CCND2: variants seen among roughly 807,000 people sequenced by gnomAD.
The protein encoded by CCND2 is cyclin D2.
CCND2 carries 6 observed loss-of-function variants against 30.2 expected under a neutral mutation model. That is an observed-to-expected ratio of 0.20 (90% confidence interval 0.11 to 0.39). The LOEUF is 0.39. Among genes scored for constraint, CCND2 ranks in the 10% least tolerant of loss-of-function variants. The probability of loss-of-function intolerance (pLI) is 1.00; values close to 1 mark genes in which losing one functional copy is unlikely to be tolerated. For missense variants in CCND2, 235 were observed against 373.4 expected (o/e 0.63, Z 3.06); for synonymous variants, 150 against 153.1 (o/e 0.98, Z 0.15).
At position 4,293,228 on chromosome 12, in the gene CCND2, A is replaced by G. The variant is rs1864123878; in HGVS notation, c.720+4238A>G. ...TTAAATGAAGTGGCTTCATTTTCAT[A>G]TGACACAGTTGCACAAATTCACTAA... On this transcript the variant is annotated intron_variant, in intron 4 of 4. Transcript: ENST00000261254. This position sits in a 1 kb window ranked among gnomAD's most constrained non-coding sequence, Gnocchi z 4.9. Among the ~76,000 whole-genome samples the G allele has an allele frequency of 1.3e-5, 2 of 152,204 alleles. No homozygotes were observed. Among genetic ancestry groups the G allele is most frequent in the South Asian group, 2.1e-4 (1 of 4,830 alleles).
At chr12:4,275,771 C>T (rs1228453122) in intron 1 of CCND2, among the ~76,000 whole-genome samples, 1 of 152,000 alleles carries the variant, frequency 6.6e-6, no homozygotes, top group South Asian at 2.1e-4. Context: ...CTGTAGTTCA[C>T]CCCCTTTTAT....
At chr12:4,278,206 A>G (rs546401691) in intron 2 of CCND2, among the ~76,000 whole-genome samples, 1 of 152,382 alleles carries the variant, frequency 6.6e-6, no homozygotes, top group African/African-American at 2.4e-5. Context: ...GGGGAGTTTG[A>G]GCAGCAGAGA....
chr12:4,291,234 T>TGTGTGTGTGTGTG (rs6144591), intron 4 of CCND2, among the ~76,000 whole-genome samples: 3 of 151,264 alleles, frequency 2.0e-5, no homozygotes, highest in East Asian at 1.9e-4. Flanking sequence ...TGTGTGTGTG[T>TGTGTGTGTGTGTG]TTATGCACCT....
chr12:4,278,112 T>C (rs1398821594), intron 2 of CCND2, among the ~76,000 whole-genome samples: 2 of 152,234 alleles, frequency 1.3e-5, no homozygotes, highest in East Asian at 3.8e-4. Flanking sequence ...TGTGGTCCTT[T>C]AGTCATGATG....
In CCND2 at chr12:4,302,083, C is replaced by T. The variant is rs1196445511; in HGVS notation, c.*2074C>T. The T allele has an allele frequency of 4.3e-6, 1 of 232,898 alleles. No homozygotes were observed. Among genetic ancestry groups the T allele is most frequent in the East Asian group, 6.0e-5 (1 of 16,546 alleles). The allele number at this position is 232,898 out of a possible 1,614,324, so 14.4% of individuals were successfully genotyped here. A position where few individuals can be genotyped will look rare whatever the true frequency, so the allele number is the denominator to read the frequency against. The stretch of plus-strand genomic sequence containing the variant: ...ATACCTCACAACCGTACAGTTTCTG[C>T]TTGGGAGCCCATTCGCATGAGGAAT... On this transcript the variant is annotated 3_prime_UTR_variant, in exon 5 of 5. Coordinates refer to ENST00000261254, the MANE Select transcript of CCND2 (RefSeq NM_001759.4).
At chr12:4,290,083 A>G (rs1166492309) in intron 4 of CCND2, among the ~76,000 whole-genome samples, 2 of 152,114 alleles carry the variant, frequency 1.3e-5, no homozygotes, top group Non-Finnish European at 2.9e-5. Flanking sequence ...GCGGGCTTTT[A>G]TTGAGTTAAG....
intron 1 of CCND2, 119 bp from the exon 2 acceptor site, chr12:4,275,886 C>T: frequency 1.6e-6 from 1 of 636,118 alleles, no homozygotes; most frequent in Non-Finnish European, 2.7e-6. Flanking sequence ...CCTCCCCCTC[C>T]CACAAAAAAA....
In CCND2 at chr12:4,285,944, A is replaced by G. The variant is rs569056385; in HGVS notation, c.572-2898A>G. Among the ~76,000 whole-genome samples, 3 of 152,282 alleles carry G rather than the reference A, an allele frequency of 2.0e-5. No individual in the cohort carries two copies. The highest frequency in any genetic ancestry group is 1.9e-4 in the East Asian group (1 of 5,186). On this transcript the variant is annotated intron_variant, in intron 3 of 4. Coordinates refer to ENST00000261254, the MANE Select transcript of CCND2 (RefSeq NM_001759.4). This position sits in a 1 kb window ranked among gnomAD's most constrained non-coding sequence, Gnocchi z 4.1. The stretch of plus-strand genomic sequence containing the variant: ...TGCCGGCTGGTAGACACCGTGATCC[A>G]TTCTATTGTCTCCTCATTGTTCTTC...
chr12:4,284,865 A>AGCT (rs1467862848), intron 3 of CCND2, among the ~76,000 whole-genome samples: 2 of 151,678 alleles, frequency 1.3e-5, no homozygotes, highest in African/African-American at 4.8e-5. Context: ...CCTCCAGAAT[A>AGCT]GCTGGGATTA....
Position 4,288,867 on chromosome 12 carries a change from G to A in CCND2, c.597G>A (p.Pro199=), listed in dbSNP as rs747054950. The A allele has an allele frequency of 2.5e-5, 41 of 1,613,214 alleles. No individual in the cohort carries two copies. Among genetic ancestry groups the A allele is most frequent in the East Asian group, 8.9e-5 (4 of 44,762 alleles). The change falls in exon 4 of 5, where the codon CCG becomes CCA. Residue 199 remains proline (P), a synonymous_variant. Transcript: ENST00000261254. ...ACTTTAAGTTTGCCATGTACCCACCGTCGATGATCGCAACTGGAAGTGTGG... is the reference window on the plus strand; with the variant it reads ...ACTTTAAGTTTGCCATGTACCCACCATCGATGATCGCAACTGGAAGTGTGG... ...ATDFKFAMYP[P]SMIATGSVGA...
rs3217897 is a variant in CCND2 at position 4,295,186 on chromosome 12, T to C, written c.721-4674T>C. The stretch of plus-strand genomic sequence containing the variant: ...ATGGAAGGGAGAGGCCAAGTTCTCT[T>C]TCCACCATCAGAGAGTAGCGTTCAA... On this transcript the variant is annotated intron_variant, in intron 4 of 4. Coordinates refer to ENST00000261254, the MANE Select transcript of CCND2 (RefSeq NM_001759.4). Among the ~76,000 whole-genome samples the C allele has an allele frequency of 7.7e-3, 1,169 of 152,352 alleles. 13 individuals carry two copies. The highest frequency in any genetic ancestry group is 0.027 in the African/African-American group (1,119 of 41,576).
At position 4,293,811 on chromosome 12, in the gene CCND2, C is replaced by CA. The variant is rs1565436883; in HGVS notation, c.720+4822dup. ...TGTCATTTTCAAGCCTCCACTGTTA[C>CA]AGATTCTGTCTTCTGTGGACTCTTC... On this transcript the variant is annotated intron_variant, in intron 4 of 4. Coordinates refer to ENST00000261254, the MANE Select transcript of CCND2 (RefSeq NM_001759.4). The surrounding 1 kb of genome is among the most constrained non-coding windows in gnomAD (Gnocchi z 4.9). Among the ~76,000 whole-genome samples the CA allele has an allele frequency of 6.6e-6, 1 of 152,148 alleles. No individual in the cohort carries two copies. The highest frequency in any genetic ancestry group is 1.5e-5 in the Non-Finnish European group (1 of 68,024).
In CCND2 at chr12:4,303,044, G is replaced by A. The variant is rs1000954408; in HGVS notation, c.*3035G>A. On this transcript the variant is annotated 3_prime_UTR_variant, in exon 5 of 5. Coordinates refer to ENST00000261254, the MANE Select transcript of CCND2 (RefSeq NM_001759.4). The surrounding 1 kb of genome is among the most constrained non-coding windows in gnomAD (Gnocchi z 4.6). Reference sequence around the variant, plus strand: ...TTGGAGCCTAAAGAGAAACCGAGGTGCAAATTCATTTCATGGTGACTGACC... The same window carrying A: ...TTGGAGCCTAAAGAGAAACCGAGGTACAAATTCATTTCATGGTGACTGACC... The A allele has an allele frequency of 5.6e-5, 13 of 233,188 alleles. No homozygotes were observed. Among genetic ancestry groups the A allele is most frequent in the African/African-American group, 8.8e-5 (4 of 45,336 alleles). The allele number at this position is 233,188 out of a possible 1,614,324, so 14.4% of individuals were successfully genotyped here.
chr12:4,290,515 G>T (rs1325235788), intron 4 of CCND2, among the ~76,000 whole-genome samples: 1 of 152,222 alleles, frequency 6.6e-6, no homozygotes, highest in Non-Finnish European at 1.5e-5. Flanking sequence ...CTCTCAGCCA[G>T]TTTAAGACAA....
At position 4,278,936 on chromosome 12, in the gene CCND2, G is replaced by GC; in HGVS notation, c.571+19dup. On this transcript the variant is annotated intron_variant, in intron 3 of 4. Coordinates refer to ENST00000261254, the MANE Select transcript of CCND2 (RefSeq NM_001759.4). Reference sequence around the variant, plus strand: ...GTGCCACCGGTAAGATGAGGCTTGAGCCGGGGAGGGAGATGGGGGAGCTCT... The same window carrying GC: ...GTGCCACCGGTAAGATGAGGCTTGAGCCCGGGGAGGGAGATGGGGGAGCTCT... The GC allele has an allele frequency of 6.3e-7, 1 of 1,596,764 alleles. No individual in the cohort carries two copies.
chr12:4,281,916 T>C (rs1863953178), intron 3 of CCND2, among the ~76,000 whole-genome samples: 1 of 140,502 alleles, frequency 7.1e-6, no homozygotes. Flanking sequence ...AAGCTGCTGG[T>C]ATCCCTCTGC....
rs1864232095 is a variant in CCND2, at chr12:4,300,304, A to G, written c.*295A>G. ...AAAATGCTTACAGGAAAACCTGCAG[A>G]GTAGTTAGAGAATATGTATGCCTGC... On this transcript the variant is annotated 3_prime_UTR_variant, in exon 5 of 5. Coordinates refer to ENST00000261254, the MANE Select transcript of CCND2 (RefSeq NM_001759.4). 3.0e-6 allele frequency: 1 copy of G among 331,486 alleles called. No individual in the cohort carries two copies. Among genetic ancestry groups the G allele is most frequent in the Non-Finnish European group, 5.6e-6 (1 of 179,444 alleles). The allele number at this position is 331,486 out of a possible 1,614,324, so 20.5% of individuals were successfully genotyped here. A position where few individuals can be genotyped will look rare whatever the true frequency, so the allele number is the denominator to read the frequency against.
intron 4 of CCND2, among the ~76,000 whole-genome samples, chr12:4,298,999 T>C (rs189308182): frequency 2.9e-4 from 44 of 152,366 alleles, no homozygotes; most frequent in Middle Eastern, 3.4e-3. Flanking sequence ...GTTGTAGACA[T>C]TCTGCATTAT....
At chr12:4,283,195 C>T (rs899390356) in intron 3 of CCND2, among the ~76,000 whole-genome samples, 4 of 152,234 alleles carry the variant, frequency 2.6e-5, no homozygotes, top group Admixed American at 2.6e-4. Flanking sequence ...GAGCACTTCT[C>T]AGGGCCCATG....
Sources: allele counts gnomAD v4.1 joint callset (sites outside exome capture counted in the v4.1 genomes callset), GRCh38; gene constraint gnomAD v4.1.1; non-coding constraint Gnocchi (gnomAD v3.1); transcripts MANE v1.5; gene names NCBI Gene and HGNC (gene_info 2026-07-23, HGNC 2026-07-21).